The following DDX11 variants were observed in gnomAD, a reference collection of about 807,000 sequenced individuals.
DDX11 encodes ATP-dependent DNA helicase DDX11.
Under a neutral mutation model 125.2 loss-of-function variants are expected in DDX11, and 72 were observed. That is an observed-to-expected ratio of 0.58 (90% CI 0.48 to 0.70). DDX11 has a LOEUF of 0.70. Ranked by LOEUF, DDX11 falls within the 30% of genes least tolerant of loss-of-function variation. DDX11 has a pLI of 0.00. For synonymous variants in DDX11, 347 were observed against 452.6 expected (o/e 0.77, Z 2.96); for missense variants, 883 against 1,165.0 (o/e 0.76, Z 3.52).
rs1209824009 is a variant in DDX11 at position 31,103,392 on chromosome 12, A to G, written c.2533A>G (p.Ile845Val). 10 of 1,608,918 alleles carry G rather than the reference A, an allele frequency of 6.2e-6. No homozygotes were observed. Among genetic ancestry groups the G allele is most frequent in the African/African-American group, 2.7e-5 (2 of 74,764 alleles). The change falls in exon 25 of 27, where the codon ATA (isoleucine) becomes GTA (valine). Residue 845 changes from isoleucine to valine, a missense_variant. Physicochemically the swap from Ile to Val is conservative, Grantham distance 29. Transcript: ENST00000542838. ...GTGCATGAAGGCCGTCAACCAGTCCATAGGTGAGCCTGGCTGCCTCCAGCT... is the reference window on the plus strand; with the variant it reads ...GTGCATGAAGGCCGTCAACCAGTCCGTAGGTGAGCCTGGCTGCCTCCAGCT... ...NLCMKAVNQSIGRAIRHQKDF... is the reference protein window; with the variant it reads ...NLCMKAVNQSVGRAIRHQKDF...
At chr12:31,085,193 C>T in intron 5 of DDX11, 67 bp downstream of exon 5, 1 of 1,519,920 alleles carries the variant, frequency 6.6e-7, no homozygotes, top group Non-Finnish European at 8.9e-7. Context: ...AGCTCTTTCC[C>T]TCATGCCACA....
chr12:31,078,612 C>T, intron 2 of DDX11, 75 bp downstream of exon 2: 1 of 1,607,358 alleles, frequency 6.2e-7, no homozygotes. Flanking sequence ...GTTTGCCTAT[C>T]CAGAGATTTT....
Position 31,085,116 on chromosome 12 carries a change from G to A in DDX11, c.628G>A (p.Val210Met). 1 of 1,564,246 alleles carries A rather than the reference G, an allele frequency of 6.4e-7. No individual in the cohort carries two copies. Among genetic ancestry groups the A allele is most frequent in the Non-Finnish European group, 8.7e-7 (1 of 1,154,156 alleles). ...AEYESDEEKK[V>M]ASRVDEDEDD... is the part of the protein sequence containing the mutation. ...ATACGAGAGTGATGAGGAGAAAAAG[G>A]TGGCGAGCAGGTGAGACAGAGGCGG... Residue 210 changes from valine (V) to methionine (M), a missense_variant, in exon 5 of 27, where the codon GTG becomes ATG. By Grantham distance (21) the Val-to-Met change is conservative. Around this residue, in one of 5 missense-constraint regions of DDX11, gnomAD observed 283 missense variants for 359.6 expected, o/e 0.79. Transcript: ENST00000542838.
Position 31,091,655 on chromosome 12 carries a change from C to G in DDX11, c.1090-64C>G. ...AGCACTCACATCAGGAGCTCAGTGT[C>G]AGGCAGGCAAGGCTCCTGCAGGGGA... On this transcript the variant is annotated intron_variant, in intron 9 of 26. Transcript: ENST00000542838. The G allele has an allele frequency of 3.9e-6, 6 of 1,535,922 alleles. No homozygotes were observed. The South Asian group carries it at 5.9e-5, about 15-fold the overall frequency.
At chr12:31,089,191 T>A in intron 7 of DDX11, 40 bp downstream of exon 7, 1 of 1,561,606 alleles carries the variant, frequency 6.4e-7, no homozygotes, top group Non-Finnish European at 8.8e-7. Context: ...GCCATCCTGC[T>A]CCTTTCGCCA....
chr12:31,100,334 G>A (rs1946150962), intron 18 of DDX11: 2 of 302,422 alleles, frequency 6.6e-6, no homozygotes, highest in African/African-American at 4.4e-5. Flanking sequence ...TTTGGGCTGG[G>A]GCCTGGCCAT....
chr12:31,092,321 TG>T (rs1944390931), intron 10 of DDX11, among the ~76,000 whole-genome samples: 1 of 152,290 alleles, frequency 6.6e-6, no homozygotes, highest in Non-Finnish European at 1.5e-5. Flanking sequence ...GACTCTGCCA[TG>T]GGTGTGGTGT....
At chr12:31,088,919 G>A (rs1943652408) in intron 6 of DDX11, 125 bp from the exon 7 acceptor site, 11 of 774,820 alleles carry the variant, frequency 1.4e-5, no homozygotes, top group African/African-American at 3.5e-5. Flanking sequence ...GTCCTGCCTC[G>A]GCTTTGTGCA....
chr12:31,078,644 G>T, intron 2 of DDX11, 107 bp downstream of exon 2: 1 of 1,502,648 alleles, frequency 6.7e-7, no homozygotes, highest in Non-Finnish European at 9.2e-7. Flanking sequence ...GTTGGGCAGA[G>T]TAGTCTCTGT....
chr12:31,096,894 A>G lies in DDX11; in HGVS notation c.1666A>G (p.Thr556Ala). 6.2e-7 allele frequency: 1 copy of G among 1,614,100 alleles called. No homozygotes were observed. Among genetic ancestry groups the G allele is most frequent in the Non-Finnish European group, 8.5e-7 (1 of 1,180,028 alleles). ...AAPADESQAS[T>A]LRPASPLMHI... ...CCCTGCAGACGAGAGTCAGGCCAGC[A>G]CCCTGCGACCAGCTTCTCCACTGAT... The change falls in exon 17 of 27, where the codon ACC becomes GCC. Residue 556 changes from threonine to alanine, a missense_variant. Coordinates refer to ENST00000542838, the MANE Select transcript of DDX11 (RefSeq NM_030653.4).
chr12:31,082,815 C>T (rs1942239676), intron 2 of DDX11, among the ~76,000 whole-genome samples: 1 of 152,172 alleles, frequency 6.6e-6, no homozygotes, highest in African/African-American at 2.4e-5. Context: ...AAGGTGTCAG[C>T]ATGCTTGGTC....
intron 18 of DDX11, among the ~76,000 whole-genome samples, chr12:31,098,643 G>A (rs1406224556): frequency 1.3e-5 from 2 of 152,262 alleles, no homozygotes; most frequent in African/African-American, 2.4e-5. Context: ...CCTACCTAGC[G>A]AAGGGCCTCC....
At chr12:31,097,448 G>A (rs548808646) in intron 17 of DDX11, among the ~76,000 whole-genome samples, 11 of 35,040 alleles carry the variant, frequency 3.1e-4, no homozygotes, top group Non-Finnish European at 4.2e-4. Context: ...GGGAGGCTGA[G>A]GGGGGGCGGA....
At chr12:31,089,801 T>G in intron 8 of DDX11, 85 bp from the exon 9 acceptor site, 1 of 1,554,832 alleles carries the variant, frequency 6.4e-7, no homozygotes, top group Non-Finnish European at 8.7e-7. Context: ...TGGAAGTGGG[T>G]CTCAACATTA....
Position 31,087,937 on chromosome 12 carries a change from G to C in DDX11, c.639-1G>C, listed in dbSNP as rs757533407. 61 of 1,609,146 alleles carry C rather than the reference G, an allele frequency of 3.8e-5. No individual in the cohort carries two copies. The highest frequency in any genetic ancestry group is 1.1e-4 in the East Asian group (5 of 44,658). On this transcript the variant is annotated splice_acceptor_variant, in intron 5 of 26. Transcript: ENST00000542838. LOFTEE classifies it high-confidence loss of function. ...TTTTCTGTTCTCTCTCACACACACA[G>C]AGTGGATGAGGATGAGGATGACCTG...
chr12:31,093,120 C>G (rs1944528786), intron 11 of DDX11, 125 bp from the exon 12 acceptor site: 2 of 1,177,622 alleles, frequency 1.7e-6, no homozygotes, highest in Non-Finnish European at 2.5e-6. Flanking sequence ...AGCCTGCTCT[C>G]TGGGAAAGGA....
At chr12:31,086,039 C>G in intron 5 of DDX11, 1 of 454,470 alleles carries the variant, frequency 2.2e-6, no homozygotes, top group Non-Finnish European at 4.4e-6. Context: ...CCTTCTGATG[C>G]CACCTCCAGC....
intron 23 of DDX11, 132 bp from the exon 24 acceptor site, chr12:31,102,804 G>A: frequency 3.7e-6 from 3 of 814,226 alleles, no homozygotes; most frequent in Non-Finnish European, 6.2e-6. Flanking sequence ...TAGGTACAGA[G>A]TGGAGAGAGG....
rs1438846311 is a variant in DDX11, at chr12:31,094,957, A to G, written c.1482+135A>G. The G allele has an allele frequency of 6.5e-5, 62 of 954,816 alleles. No homozygotes were observed. In the South Asian group the frequency reaches 7.8e-4, roughly 12 times the overall value. The allele number at this position is 954,816 out of a possible 1,614,324, so 59.1% of individuals were successfully genotyped here. The stretch of plus-strand genomic sequence containing the variant: ...GTAATTACTTAACCCTTAACGCAAC[A>G]TGCCTGTGAGACAAAAGTCATCTTC... On this transcript the variant is annotated intron_variant, in intron 14 of 26. Transcript: ENST00000542838.
Sources: gnomAD v4.1 joint callset for allele counts (sites outside exome capture counted in the v4.1 genomes callset) on GRCh38, gnomAD v4.1.1 for gene constraint, gnomAD v4.1.1 regional missense constraint, MANE v1.5 for transcripts, NCBI Gene and HGNC (gene_info 2026-07-23, HGNC 2026-07-21) for gene names.